Variants in NOS3 observed in about 807,000 individuals in gnomAD.
NOS3 encodes the protein nitric oxide synthase 3, also known as NOS type III.
Under a neutral mutation model 144.9 loss-of-function variants are expected in NOS3, and 98 were observed. The observed-to-expected ratio is 0.68, with a 90% CI of 0.57 to 0.80. The LOEUF (loss-of-function observed/expected upper bound fraction) is 0.80, where lower values mean the gene tolerates loss of function less well. NOS3 is among the 30% of genes least tolerant of loss of function. The pLI is 0.00. For missense variants in NOS3, 1,465 were observed against 1,656.4 expected (o/e 0.88, Z 2.01); for synonymous variants, 714 against 702.4 (o/e 1.02, Z -0.26).
rs760419957 is a variant in NOS3, at chr7:150,998,903, A to C, written c.817-43A>C. On this transcript the variant is annotated intron_variant, in intron 7 of 26. Transcript: ENST00000297494. The surrounding 1 kb of genome is among the most constrained non-coding windows in gnomAD (Gnocchi z 5.0). ...GGATGGAGGGGTCCCTGAGGAGGGC[A>C]TGAGGCTCAGCCCCAGAACCCCCTC... is the stretch of plus-strand genomic sequence containing the variant. 3.2e-6 allele frequency: 5 copies of C among 1,584,710 alleles called. No homozygotes were observed. The East Asian group carries it at 1.1e-4, about 36-fold the overall frequency.
chr7:151,011,414 G>T (rs1054593091), intron 23 of NOS3, among the ~76,000 whole-genome samples: 6 of 150,318 alleles, frequency 4.0e-5, no homozygotes, highest in East Asian at 2.0e-4. Context: ...GAAGGTTTTG[G>T]TTTTTTTTTC....
Position 151,001,345 on chromosome 7 carries a change from C to T in NOS3, c.1348C>T (p.Pro450Ser). 6.2e-7 allele frequency: 1 copy of T among 1,613,206 alleles called. No individual in the cohort carries two copies. ...GCPADWAWIV[P>S]PISGSLTPVF... is the part of the protein sequence containing the mutation. ...CCCTGCAGACTGGGCCTGGATCGTG[C>T]CCCCCATCTCGGGCAGCCTCACTCC... is the stretch of plus-strand genomic sequence containing the variant. The change falls in exon 11 of 27, where the codon CCC becomes TCC. Residue 450 changes from proline (P) to serine (S), a missense_variant. Transcript: ENST00000297494.
At chr7:151,013,575 G>A in intron 25 of NOS3, 149 bp from the exon 26 acceptor site, 1 of 369,896 alleles carries the variant, frequency 2.7e-6, no homozygotes. Context: ...CCGCCCCTTT[G>A]GCTCTGCCCC....
Position 151,010,253 on chromosome 7 carries a change from CCAGGGAACAG to C in NOS3, c.2656_2665del (p.Glu886SerfsTer69). 1 of 1,613,032 alleles carries C rather than the reference CCAGGGAACAG, an allele frequency of 6.2e-7. No individual in the cohort carries two copies. Among genetic ancestry groups the C allele is most frequent in the Non-Finnish European group, 8.5e-7 (1 of 1,179,932 alleles). On this transcript the variant is annotated frameshift_variant, in exon 21 of 27. Transcript: ENST00000297494. LOFTEE classifies it high-confidence loss of function. Reference sequence around the variant, plus strand: ...CTGCTCAGCACCTTGGCAGAAGAGCCCAGGGAACAGCAGGAGCTGGAGGCCCTCAGCCAGG... The same window carrying C: ...CTGCTCAGCACCTTGGCAGAAGAGCCCAGGAGCTGGAGGCCCTCAGCCAGG...
At chr7:151,005,242 T>G (rs1481368462) in intron 14 of NOS3, among the ~76,000 whole-genome samples, 3 of 152,230 alleles carry the variant, frequency 2.0e-5, no homozygotes, top group Non-Finnish European at 4.4e-5. Flanking sequence ...TCTGGACTTG[T>G]GTTGCACGTT....
chr7:151,013,838 C>T lies in NOS3; in HGVS notation c.3370C>T (p.Leu1124=), dbSNP rs773318406. ...CGDVTMATNV[L]QTVQRILATE... Reference sequence around the variant, plus strand: ...CGATGTTACCATGGCAACCAACGTCCTGCAGACCGTGCAGCGCATCCTGGC... The same window carrying T: ...CGATGTTACCATGGCAACCAACGTCTTGCAGACCGTGCAGCGCATCCTGGC... Residue 1124 remains leucine, a synonymous_variant, in exon 26 of 27, where the codon CTG becomes TTG. Coordinates refer to ENST00000297494, the MANE Select transcript of NOS3 (RefSeq NM_000603.5). 1 of 1,607,078 alleles carries T rather than the reference C, an allele frequency of 6.2e-7. No individual in the cohort carries two copies.
chr7:151,005,048 C>T (rs556253071), intron 14 of NOS3, among the ~76,000 whole-genome samples: 1 of 152,130 alleles, frequency 6.6e-6, no homozygotes, highest in African/African-American at 2.4e-5. Flanking sequence ...AGTAGAGACG[C>T]GGTTTCACCA....
At chr7:151,012,212 T>G in intron 23 of NOS3, 139 bp from the exon 24 acceptor site, 2 of 683,924 alleles carry the variant, frequency 2.9e-6, no homozygotes, top group Non-Finnish European at 4.6e-6. Context: ...AGTAGAGTTG[T>G]TTTTTGTTTT....
Position 151,013,386 on chromosome 7 carries a change from G to C in NOS3, c.3255+7G>C. 6.2e-7 allele frequency: 1 copy of C among 1,609,202 alleles called. No individual in the cohort carries two copies. Among genetic ancestry groups the C allele is most frequent in the Non-Finnish European group, 8.5e-7 (1 of 1,176,818 alleles). On this transcript the variant is annotated splice_region_variant and intron_variant, in intron 25 of 26. Transcript: ENST00000297494. ...GGAACCTGACAACCCCAAGGTGTGA[G>C]ACCCTGAGGGCGCAATGGTAACCTG... is the stretch of plus-strand genomic sequence containing the variant.
Position 150,993,948 on chromosome 7 carries a change from G to A in NOS3, c.145G>A (p.Ala49Thr). Residue 49 changes from alanine to threonine, a missense_variant, in exon 2 of 27, where the codon GCG becomes ACG. Coordinates refer to ENST00000297494, the MANE Select transcript of NOS3 (RefSeq NM_000603.5). This position sits in a 1 kb window ranked among gnomAD's most constrained non-coding sequence, Gnocchi z 4.0. ...GGCCCCAGCATCCCTACTCCCACCA[G>A]CGCCAGAACACAGGTAAGGGCCAGG... ...SRAPASLLPP[A>T]PEHSPPSSPL... is the part of the protein sequence containing the mutation. 6.4e-7 allele frequency: 1 copy of A among 1,567,558 alleles called. No homozygotes were observed. Among genetic ancestry groups the A allele is most frequent in the Non-Finnish European group, 8.6e-7 (1 of 1,158,768 alleles).
chr7:151,001,380 T>C lies in NOS3; in HGVS notation c.1383T>C (p.His461=). The part of the protein sequence containing the change: ...PISGSLTPVF[H]QEMVNYFLSP... The stretch of plus-strand genomic sequence containing the variant: ...CGGGCAGCCTCACTCCTGTTTTCCA[T>C]CAGGAGATGGTCAACTATTTCCTGT... The change falls in exon 11 of 27, where the codon CAT becomes CAC. Residue 461 remains histidine, a synonymous_variant. Transcript: ENST00000297494. The C allele has an allele frequency of 6.2e-7, 1 of 1,609,590 alleles. No individual in the cohort carries two copies. The highest frequency in any genetic ancestry group is 8.5e-7 in the Non-Finnish European group (1 of 1,177,366).
In NOS3 at chr7:150,992,638, C is replaced by T. The variant is rs539322525; in HGVS notation, c.-51-1115C>T. Reference sequence around the variant, plus strand: ...GGCCCCCCACCCAGGCCCACCCCAACCTTATCCTCCACTGCTTTTCAGAGG... The same window carrying T: ...GGCCCCCCACCCAGGCCCACCCCAATCTTATCCTCCACTGCTTTTCAGAGG... On this transcript the variant is annotated intron_variant, in intron 1 of 26. Coordinates refer to ENST00000297494, the MANE Select transcript of NOS3 (RefSeq NM_000603.5). Among the ~76,000 whole-genome samples the T allele has an allele frequency of 6.0e-5, 9 of 150,118 alleles. No individual in the cohort carries two copies. In the South Asian group the frequency reaches 1.9e-3, roughly 32 times the overall value.
At chr7:150,991,469 G>A (rs929748224) in intron 1 of NOS3, among the ~76,000 whole-genome samples, 169 bp downstream of exon 1, 1 of 152,334 alleles carries the variant, frequency 6.6e-6, no homozygotes, top group South Asian at 2.1e-4. Flanking sequence ...AGGGAGACAC[G>A]AGAAAGCCCA....
Position 151,013,436 on chromosome 7 carries a change from C to T in NOS3, c.3255+57C>T. 4 of 1,559,600 alleles carry T rather than the reference C, an allele frequency of 2.6e-6. No individual in the cohort carries two copies. In the Admixed American group the frequency reaches 5.3e-5, roughly 21 times the overall value. ...GAAGATAGGGAGAGAGGGGAGGACT[C>T]GCGCTCTCCAGCGGGGCACACCAAC... On this transcript the variant is annotated intron_variant, in intron 25 of 26. Coordinates refer to ENST00000297494, the MANE Select transcript of NOS3 (RefSeq NM_000603.5).
rs146436847 is a variant in NOS3, at chr7:150,991,705, G to A, written c.-52+405G>A. ...GGGCCACAGCCAGTGGTGCAGGCAAGAAGACAATGGCCATCCATGGTGGCT... is the reference window on the plus strand; with the variant it reads ...GGGCCACAGCCAGTGGTGCAGGCAAAAAGACAATGGCCATCCATGGTGGCT... On this transcript the variant is annotated intron_variant, in intron 1 of 26. Coordinates refer to ENST00000297494, the MANE Select transcript of NOS3 (RefSeq NM_000603.5). Among the ~76,000 whole-genome samples, 626 of 152,320 alleles carry A rather than the reference G, an allele frequency of 4.1e-3. 4 individuals carry two copies. The highest frequency in any genetic ancestry group is 6.8e-3 in the Non-Finnish European group (466 of 68,030).
In NOS3 at chr7:151,013,792, G is replaced by A. The variant is rs144040397; in HGVS notation, c.3324G>A (p.Arg1108=). 7 of 1,611,242 alleles carry A rather than the reference G, an allele frequency of 4.3e-6. No homozygotes were observed. In the South Asian group the frequency reaches 7.7e-5, roughly 18 times the overall value. ...AEVHRVLCLE[R]GHMFVCGDVT... ...TGCACCGCGTGCTGTGCCTCGAGCGGGGCCACATGTTTGTCTGCGGCGATG... is the reference window on the plus strand; with the variant it reads ...TGCACCGCGTGCTGTGCCTCGAGCGAGGCCACATGTTTGTCTGCGGCGATG... Residue 1108 remains arginine, a synonymous_variant, in exon 26 of 27, where the codon CGG becomes CGA. Transcript: ENST00000297494.
In NOS3 at chr7:151,007,141, C is replaced by G; in HGVS notation, c.1977C>G (p.His659Gln). Reference sequence around the variant, plus strand: ...GGCTCGGCTCCCGGGCATACCCCCACTTCTGCGCCTTTGCTCGTGCCGTGG... The same window carrying G: ...GGCTCGGCTCCCGGGCATACCCCCAGTTCTGCGCCTTTGCTCGTGCCGTGG... Reference protein sequence around the residue: ...VFGLGSRAYPHFCAFARAVDT... With the variant: ...VFGLGSRAYPQFCAFARAVDT... Residue 659 changes from histidine to glutamine, a missense_variant, in exon 17 of 27, where the codon CAC becomes CAG. By Grantham distance (24) the His-to-Gln change is conservative. Transcript: ENST00000297494. 1.2e-6 allele frequency: 2 copies of G among 1,614,040 alleles called. No individual in the cohort carries two copies. The highest frequency in any genetic ancestry group is 1.7e-6 in the Non-Finnish European group (2 of 1,179,998).
intron 2 of NOS3, among the ~76,000 whole-genome samples, chr7:150,994,877 C>G (rs1412338649): frequency 1.3e-5 from 2 of 152,212 alleles, no homozygotes; most frequent in South Asian, 2.1e-4. Flanking sequence ...GCTCTGTCCC[C>G]CTCAGGGTAG....
intron 2 of NOS3, among the ~76,000 whole-genome samples, chr7:150,994,270 T>C (rs1802319288): frequency 6.6e-6 from 1 of 152,174 alleles, no homozygotes; most frequent in Admixed American, 6.5e-5. Flanking sequence ...CCTCCATTTA[T>C]ATAAAACGAG....
Sources: gnomAD v4.1 joint callset for allele counts (sites outside exome capture counted in the v4.1 genomes callset) on GRCh38, gnomAD v4.1.1 for gene constraint, Gnocchi (gnomAD v3.1) non-coding constraint, MANE v1.5 for transcripts, NCBI Gene and HGNC (gene_info 2026-07-23, HGNC 2026-07-21) for gene names.